Variants in DNAAF11 observed in about 807,000 individuals in gnomAD.
DNAAF11 encodes dynein axonemal assembly factor 11.
A neutral mutation model predicts 60.8 loss-of-function variants in DNAAF11; 45 were observed. That is an observed-to-expected ratio of 0.74 (90% CI 0.58 to 0.95). The LOEUF (loss-of-function observed/expected upper bound fraction) is 0.95, where lower values mean the gene tolerates loss of function less well. Among genes scored for constraint, DNAAF11 ranks in the 40% least tolerant of loss-of-function variants. The pLI is 0.00. For missense variants in DNAAF11, 546 were observed against 546.2 expected, an observed-to-expected ratio of 1.00 and a Z score of 0.00; for synonymous variants, 191 against 183.5, an observed-to-expected ratio of 1.04 and a Z score of -0.33.
the DNAAF11 span, among the ~76,000 whole-genome samples, chr8:132,700,706 TAGAAAC>T: frequency 6.6e-6 from 1 of 151,854 alleles, no homozygotes; most frequent in Non-Finnish European, 1.5e-5. Flanking sequence ...AAAAAAGAAA[TAGAAAC>T]AGAATCTGAT....
chr8:132,687,497 A>G, the DNAAF11 span: 1 of 404,456 alleles, frequency 2.5e-6, no homozygotes, highest in South Asian at 1.8e-5. Flanking sequence ...TTCCCAGAGC[A>G]AGGGTTGCCT....
At chr8:132,678,363 A>G (rs1825818875), upstream of DNAAF11, among the ~76,000 whole-genome samples, 1 of 152,160 alleles carries the variant, frequency 6.6e-6, no homozygotes, top group Admixed American at 6.5e-5. Context: ...TAACTAATCA[A>G]TGTTATTTCT....
At chr8:132,599,184 T>A (rs1272476953) in intron 10 of DNAAF11, among the ~76,000 whole-genome samples, 1 of 152,018 alleles carries the variant, frequency 6.6e-6, no homozygotes, top group Non-Finnish European at 1.5e-5. Context: ...AAGAAATGGA[T>A]GAATTCCTGG....
At chr8:132,614,634 A>C (rs1451522092) in intron 8 of DNAAF11, among the ~76,000 whole-genome samples, 1 of 152,094 alleles carries the variant, frequency 6.6e-6, no homozygotes, top group Non-Finnish European at 1.5e-5. Flanking sequence ...AGGGGCTGCT[A>C]GGTGTTCCCC....
At chr8:132,663,947 C>T (rs1476056018) in intron 1 of DNAAF11, among the ~76,000 whole-genome samples, 1 of 152,182 alleles carries the variant, frequency 6.6e-6, no homozygotes, top group African/African-American at 2.4e-5. Context: ...GGGGCCAGGA[C>T]AGAGTCAGAG....
At chr8:132,578,577 T>A (rs1815005915) in intron 11 of DNAAF11, 4 of 958,912 alleles carry the variant, frequency 4.2e-6, no homozygotes, top group Non-Finnish European at 6.3e-6. Context: ...AGAAAATGCC[T>A]AAAATTAATC....
At chr8:132,616,421 A>G (rs1355010474) in intron 7 of DNAAF11, among the ~76,000 whole-genome samples, 2 of 152,164 alleles carry the variant, frequency 1.3e-5, no homozygotes, top group Non-Finnish European at 2.9e-5. Flanking sequence ...AGCAAGAGTT[A>G]GTGTCCACTA....
At chr8:132,665,417 G>A (rs1824535338) in intron 1 of DNAAF11, among the ~76,000 whole-genome samples, 1 of 151,936 alleles carries the variant, frequency 6.6e-6, no homozygotes, top group Non-Finnish European at 1.5e-5. Context: ...ATATAGCACT[G>A]CAATTACGTG....
chr8:132,654,120 T>A (rs1586704659), intron 3 of DNAAF11, among the ~76,000 whole-genome samples: 1 of 151,596 alleles, frequency 6.6e-6, no homozygotes, highest in Admixed American at 6.6e-5. Flanking sequence ...AGAGCTGGAG[T>A]GACTATATTA....
At chr8:132,631,097 C>T (rs1314189155) in intron 5 of DNAAF11, among the ~76,000 whole-genome samples, 1 of 152,190 alleles carries the variant, frequency 6.6e-6, no homozygotes, top group Admixed American at 6.5e-5. Context: ...AAATGTTCAA[C>T]ATGGATTCAA....
intron 3 of DNAAF11, among the ~76,000 whole-genome samples, chr8:132,651,340 C>T (rs187481455): frequency 1.2e-4 from 18 of 151,388 alleles, no homozygotes; most frequent in African/African-American, 2.4e-4. Context: ...AAAAGCAAAA[C>T]GATTTATTTT....
chr8:132,596,472 A>G (rs1258325204), intron 10 of DNAAF11, among the ~76,000 whole-genome samples: 2 of 152,236 alleles, frequency 1.3e-5, no homozygotes, highest in Non-Finnish European at 2.9e-5. Context: ...AAGTTAGGAC[A>G]AACATTAAGA....
intron 11 of DNAAF11, among the ~76,000 whole-genome samples, chr8:132,575,242 G>C (rs1814617373): frequency 6.6e-6 from 1 of 152,084 alleles, no homozygotes; most frequent in Admixed American, 6.5e-5. Context: ...TTTAAAATAG[G>C]GATGACAATG....
At chr8:132,699,963 A>G in the DNAAF11 span, among the ~76,000 whole-genome samples, 21,359 of 152,116 alleles carry the variant, frequency 0.14, 1,632 homozygotes, top group East Asian at 0.25. Flanking sequence ...TGACTGCTTA[A>G]TGAGCACAGG....
At chr8:132,700,585 G>A in the DNAAF11 span, among the ~76,000 whole-genome samples, 1 of 152,124 alleles carries the variant, frequency 6.6e-6, no homozygotes, top group African/African-American at 2.4e-5. Flanking sequence ...CTACTTGGGA[G>A]GCTGAGGCAG....
At chr8:132,604,980 T>A (rs1228233697) in intron 10 of DNAAF11, among the ~76,000 whole-genome samples, 1 of 152,102 alleles carries the variant, frequency 6.6e-6, no homozygotes, top group Admixed American at 6.6e-5. Context: ...GCAATCTTAA[T>A]AATTATAAAA....
chr8:132,623,103 T>C (rs1315294088), intron 6 of DNAAF11, among the ~76,000 whole-genome samples: 1 of 152,170 alleles, frequency 6.6e-6, no homozygotes, highest in South Asian at 2.1e-4. Context: ...CCAAGTAGAA[T>C]CTATTCAATA....
chr8:132,645,166 C>T (rs1278347424), intron 3 of DNAAF11, among the ~76,000 whole-genome samples: 1 of 152,186 alleles, frequency 6.6e-6, no homozygotes, highest in Non-Finnish European at 1.5e-5. Flanking sequence ...GCAACATTTG[C>T]TGTTCTGCAA....
the DNAAF11 span, among the ~76,000 whole-genome samples, chr8:132,689,805 C>T: frequency 1.3e-5 from 2 of 152,014 alleles, no homozygotes; most frequent in African/African-American, 4.8e-5. Context: ...TTCACTATAG[C>T]CTTATTCAAG....
Sources: gnomAD v4.1 joint callset for allele counts (sites outside exome capture counted in the v4.1 genomes callset) on GRCh38, gnomAD v4.1.1 for gene constraint, MANE v1.5 for transcripts, NCBI Gene and HGNC (gene_info 2026-07-23, HGNC 2026-07-21) for gene names.